ELMOD1: variants seen among roughly 807,000 people sequenced by gnomAD.
ELMOD1 encodes ELMO domain-containing protein 1.
A neutral mutation model predicts 46.7 loss-of-function variants in ELMOD1; 21 were observed. The ratio of observed to expected loss-of-function variants is 0.45; its 90% CI spans 0.32 to 0.65. ELMOD1 has a LOEUF of 0.65. Among genes scored for constraint, ELMOD1 ranks in the 30% least tolerant of loss-of-function variants. The probability of loss-of-function intolerance (pLI) is 0.04; values close to 1 mark genes in which losing one functional copy is unlikely to be tolerated. For missense variants in ELMOD1, 348 were observed against 407.8 expected, an observed-to-expected ratio of 0.85 and a Z score of 1.26; for synonymous variants, 122 against 138.2, an observed-to-expected ratio of 0.88 and a Z score of 0.82.
At position 107,594,120 on chromosome 11, in the gene ELMOD1, GT is replaced by G. The variant is rs563305334; in HGVS notation, c.-86+2714del. On this transcript the variant is annotated intron_variant, in intron 1 of 11. Coordinates refer to ENST00000265840, the MANE Select transcript of ELMOD1 (RefSeq NM_018712.4). The stretch of plus-strand genomic sequence containing the variant: ...GGGAGTTGCTGTGCCAGTAGTGTGT[GT>G]TTATGGTGGTGGTGGAGGGGCGTGT... 4.0e-3 allele frequency among the ~76,000 whole-genome samples: 608 copies of G among 152,172 alleles called. 22 individuals are homozygous for G. The highest frequency in any genetic ancestry group is 6.9e-4 in the Non-Finnish European group (47 of 68,014).
At position 107,666,291 on chromosome 11, in the gene ELMOD1, T is replaced by G. The variant is rs982528948; in HGVS notation, c.*1094T>G. The G allele has an allele frequency of 2.0e-5, 3 of 152,138 alleles. No individual in the cohort carries two copies. Among genetic ancestry groups the G allele is most frequent in the African/African-American group, 7.2e-5 (3 of 41,418 alleles). 9.4% of individuals were successfully genotyped at this position (152,138 alleles called of 1,614,324 possible). A position where few individuals can be genotyped will look rare whatever the true frequency, so the allele number is the denominator to read the frequency against. ...AGCATATTTCAAAAGCTGCAAAAGGTTTTTCACTGCCTGCCTCTTGCGGAA... is the reference window on the plus strand; with the variant it reads ...AGCATATTTCAAAAGCTGCAAAAGGGTTTTCACTGCCTGCCTCTTGCGGAA... On this transcript the variant is annotated 3_prime_UTR_variant, in exon 12 of 12. Coordinates refer to ENST00000265840, the MANE Select transcript of ELMOD1 (RefSeq NM_018712.4).
chr11:107,614,034 C>A (rs1292288325), intron 1 of ELMOD1, among the ~76,000 whole-genome samples: 1 of 152,208 alleles, frequency 6.6e-6, no homozygotes, highest in Non-Finnish European at 1.5e-5. Flanking sequence ...TCCAAAATAT[C>A]ATATCTTAAT....
intron 2 of ELMOD1, among the ~76,000 whole-genome samples, chr11:107,627,092 G>T (rs1327012533): frequency 6.6e-6 from 1 of 152,156 alleles, no homozygotes; most frequent in African/African-American, 2.4e-5. Flanking sequence ...TTGATCTGAT[G>T]ATCTGGATTA....
intron 6 of ELMOD1, among the ~76,000 whole-genome samples, chr11:107,639,393 T>C (rs534905815): frequency 6.6e-6 from 1 of 152,342 alleles, no homozygotes; most frequent in South Asian, 2.1e-4. Context: ...GAATCACTTA[T>C]ATAGACATTT....
chr11:107,638,481 G>A (rs1399010218), intron 6 of ELMOD1, among the ~76,000 whole-genome samples: 1 of 152,128 alleles, frequency 6.6e-6, no homozygotes, highest in African/African-American at 2.4e-5. Flanking sequence ...TGGTAGCTAA[G>A]GGCTCTGAGC....
chr11:107,623,027 A>G (rs1226377164), intron 2 of ELMOD1, among the ~76,000 whole-genome samples: 1 of 152,186 alleles, frequency 6.6e-6, no homozygotes, highest in African/African-American at 2.4e-5. Flanking sequence ...CACAACGTGC[A>G]GGTTTGTTAC....
At chr11:107,661,905 G>A (rs983543792) in intron 11 of ELMOD1, among the ~76,000 whole-genome samples, 5 of 152,174 alleles carry the variant, frequency 3.3e-5, no homozygotes, top group African/African-American at 1.2e-4. Context: ...AAGATACTGA[G>A]ATCAGAGGAA....
At chr11:107,599,316 G>C (rs1417207159) in intron 1 of ELMOD1, among the ~76,000 whole-genome samples, 1 of 151,386 alleles carries the variant, frequency 6.6e-6, no homozygotes, top group Non-Finnish European at 1.5e-5. Flanking sequence ...AGCATTGTTA[G>C]AGTGTGCCAT....
At chr11:107,657,307 G>A (rs1005382736) in intron 11 of ELMOD1, among the ~76,000 whole-genome samples, 11 of 152,180 alleles carry the variant, frequency 7.2e-5, no homozygotes, top group African/African-American at 2.4e-5. Context: ...AGTTTGGGAG[G>A]CTGAGGCGGG....
intron 1 of ELMOD1, chr11:107,600,628 T>C (rs1011174919): frequency 6.5e-6 from 1 of 152,830 alleles, no homozygotes; most frequent in Non-Finnish European, 1.5e-5. Context: ...CCGTATCAAA[T>C]GATTTGGACG....
At chr11:107,629,426 A>C (rs936856913) in intron 2 of ELMOD1, among the ~76,000 whole-genome samples, 5 of 152,274 alleles carry the variant, frequency 3.3e-5, no homozygotes, top group African/African-American at 9.6e-5. Context: ...GGGGATGTAC[A>C]GTATAAAGAG....
chr11:107,622,677 C>A (rs1430827860), intron 2 of ELMOD1, among the ~76,000 whole-genome samples: 1 of 152,220 alleles, frequency 6.6e-6, no homozygotes, highest in South Asian at 2.1e-4. Context: ...TTCAGCATGA[C>A]CCACTTTCCA....
At chr11:107,592,207 C>G (rs1865411366) in intron 1 of ELMOD1, 2 of 390,880 alleles carry the variant, frequency 5.1e-6, no homozygotes, top group South Asian at 4.0e-5. Context: ...ATTTCAGGAA[C>G]GACCTCACGG....
chr11:107,625,048 G>A (rs537363451), intron 2 of ELMOD1, among the ~76,000 whole-genome samples: 4 of 152,300 alleles, frequency 2.6e-5, no homozygotes, highest in Admixed American at 1.3e-4. Flanking sequence ...AAATACTCTT[G>A]TTTTCCTAGA....
Position 107,666,448 on chromosome 11 carries a change from A to G in ELMOD1, c.*1251A>G, listed in dbSNP as rs1866846417. The G allele has an allele frequency of 6.6e-6, 1 of 152,630 alleles. No homozygotes were observed. The highest frequency in any genetic ancestry group is 1.5e-5 in the Non-Finnish European group (1 of 68,048). The allele number at this position is 152,630 out of a possible 1,614,324, so 9.5% of individuals were successfully genotyped here. ...CAAGAAAATGTGTTTCAAGAGAGCA[A>G]CCTAAGCTAAGTCACTCTGCGATAT... is the stretch of plus-strand genomic sequence containing the variant. On this transcript the variant is annotated 3_prime_UTR_variant, in exon 12 of 12. Coordinates refer to ENST00000265840, the MANE Select transcript of ELMOD1 (RefSeq NM_018712.4).
At chr11:107,628,341 A>G (rs1444884128) in intron 2 of ELMOD1, among the ~76,000 whole-genome samples, 1 of 151,752 alleles carries the variant, frequency 6.6e-6, no homozygotes, top group Non-Finnish European at 1.5e-5. Flanking sequence ...TAATTTTTGT[A>G]TTTTTAGTAG....
intron 11 of ELMOD1, among the ~76,000 whole-genome samples, chr11:107,661,247 A>C (rs1866735509): frequency 6.6e-6 from 1 of 152,160 alleles, no homozygotes; most frequent in Non-Finnish European, 1.5e-5. Flanking sequence ...TAAACCTTTC[A>C]AGATGTTTTT....
intron 11 of ELMOD1, among the ~76,000 whole-genome samples, chr11:107,658,505 G>T (rs1449973735): frequency 1.3e-5 from 2 of 152,100 alleles, no homozygotes; most frequent in Non-Finnish European, 2.9e-5. Flanking sequence ...TCTATGCTGA[G>T]GAAGACAGGC....
chr11:107,618,078 T>C (rs1865890283), intron 1 of ELMOD1, 27 bp from the exon 2 acceptor site: 9 of 1,259,630 alleles, frequency 7.1e-6, no homozygotes, highest in Admixed American at 4.0e-5. Context: ...TTAGTAAATA[T>C]ACCTAATATC....
Sources: gnomAD v4.1 joint callset for allele counts (sites outside exome capture counted in the v4.1 genomes callset) on GRCh38, gnomAD v4.1.1 for gene constraint, MANE v1.5 for transcripts, NCBI Gene and HGNC (gene_info 2026-07-23, HGNC 2026-07-21) for gene names.